NUDT7: variants seen among roughly 807,000 people sequenced by gnomAD.
NUDT7 encodes peroxisomal coenzyme A diphosphatase NUDT7.
NUDT7 carries 19 observed loss-of-function variants against 13.1 expected under a neutral mutation model. The ratio of observed to expected loss-of-function variants is 1.45; its 90% CI spans 1.01 to 2.13. The LOEUF is 2.13. NUDT7 is among the 30% of genes most tolerant of loss of function. NUDT7 has a pLI of 0.00. For missense variants in NUDT7, 360 were observed against 291.7 expected (o/e 1.23, Z -1.71); for synonymous variants, 132 against 109.7 (o/e 1.20, Z -1.27).
intron 3 of NUDT7, 161 bp downstream of exon 3, chr16:77,736,147 C>T (rs1364835993): frequency 6.3e-6 from 4 of 630,326 alleles, no homozygotes; most frequent in African/African-American, 1.8e-5. Flanking sequence ...AGTCAAGTGG[C>T]TATGGGCAAC....
intron 2 of NUDT7, among the ~76,000 whole-genome samples, chr16:77,726,097 A>C (rs950742466): frequency 6.6e-6 from 1 of 152,202 alleles, no homozygotes; most frequent in Admixed American, 6.5e-5. Flanking sequence ...TCCCACCCCC[A>C]GTATAATGTG....
At chr16:77,725,751 G>A (rs911746751) in intron 2 of NUDT7, 167 bp downstream of exon 2, 1 of 612,884 alleles carries the variant, frequency 1.6e-6, no homozygotes. Flanking sequence ...GTGTTTCTTG[G>A]AGAAGGTTTA....
intron 2 of NUDT7, among the ~76,000 whole-genome samples, chr16:77,734,740 G>A (rs2014425942): frequency 1.3e-5 from 2 of 152,212 alleles, no homozygotes; most frequent in Non-Finnish European, 2.9e-5. Context: ...ACCAATACAC[G>A]TAGAACATGA....
At chr16:77,733,300 G>A (rs778527780) in intron 2 of NUDT7, among the ~76,000 whole-genome samples, 15 of 152,200 alleles carry the variant, frequency 9.9e-5, no homozygotes, top group East Asian at 1.9e-4. Flanking sequence ...AGATCAAGCT[G>A]CCAGAAGATT....
At chr16:77,729,908 ATATT>A (rs2014258723) in intron 2 of NUDT7, among the ~76,000 whole-genome samples, 1 of 148,190 alleles carries the variant, frequency 6.7e-6, no homozygotes, top group South Asian at 2.1e-4. Flanking sequence ...TTTGAAGTAT[ATATT>A]CACTATGGAA....
intron 1 of NUDT7, among the ~76,000 whole-genome samples, chr16:77,724,130 G>T (rs1252303877): frequency 6.6e-6 from 1 of 152,148 alleles, no homozygotes; most frequent in Non-Finnish European, 1.5e-5. Flanking sequence ...CTCTGGGGGT[G>T]ACCTTTCCTT....
Position 77,741,952 on chromosome 16 carries a change from T to A in NUDT7, c.*2T>A. The A allele has an allele frequency of 6.3e-7, 1 of 1,580,560 alleles. No homozygotes were observed. The highest frequency in any genetic ancestry group is 8.6e-7 in the Non-Finnish European group (1 of 1,165,262). On this transcript the variant is annotated 3_prime_UTR_variant, in exon 4 of 4. Transcript: ENST00000268533. ...AAAAAAGCTACAAGCAGGTTATGAT[T>A]TACTAGAGCAAGAGACAAAGAACTA... is the stretch of plus-strand genomic sequence containing the variant.
intron 3 of NUDT7, chr16:77,736,633 TA>T (rs967881090): frequency 2.9e-5 from 7 of 240,932 alleles, no homozygotes; most frequent in East Asian, 2.2e-4. Context: ...TTTTCTTTTT[TA>T]TTTTTTTTTT....
At chr16:77,723,243 C>T (rs2014019516) in intron 1 of NUDT7, among the ~76,000 whole-genome samples, 2 of 152,166 alleles carry the variant, frequency 1.3e-5, no homozygotes, top group Admixed American at 6.5e-5. Context: ...AAGCCACCAG[C>T]CCACAGTTTC....
rs774998255 is a variant in NUDT7 at position 77,725,569 on chromosome 16, C to T, written c.174C>T (p.Thr58=). Residue 58 remains threonine, a synonymous_variant, in exon 2 of 4, where the codon ACC becomes ACT. Coordinates refer to ENST00000268533, the MANE Select transcript of NUDT7 (RefSeq NM_001105663.3). Reference sequence around the variant, plus strand: ...AAGGAAAACTCCATTTGTTGTTCACCGTCCGGTCAGAGAAGGTAGGTGGAC... The same window carrying T: ...AAGGAAAACTCCATTTGTTGTTCACTGTCCGGTCAGAGAAGGTAGGTGGAC... ...AKEGKLHLLF[T]VRSEKLRRAP... 15 of 1,613,832 alleles carry T rather than the reference C, an allele frequency of 9.3e-6. No homozygotes were observed. The highest frequency in any genetic ancestry group is 6.7e-5 in the Admixed American group (4 of 59,978).
At chr16:77,729,412 C>T (rs964286495) in intron 2 of NUDT7, among the ~76,000 whole-genome samples, 4 of 152,126 alleles carry the variant, frequency 2.6e-5, no homozygotes, top group African/African-American at 4.8e-5. Context: ...TATCACCACA[C>T]ACAATACCTC....
chr16:77,739,178 A>G (rs59664066), intron 3 of NUDT7, among the ~76,000 whole-genome samples: 2,178 of 152,332 alleles, frequency 0.014, 51 homozygotes, highest in African/African-American at 0.049. Context: ...AGAGGGTTCT[A>G]GGATCTCACA....
intron 3 of NUDT7, among the ~76,000 whole-genome samples, chr16:77,739,249 A>G (rs1028513207): frequency 6.6e-6 from 1 of 152,220 alleles, no homozygotes; most frequent in Admixed American, 6.5e-5. Context: ...AAGAATGGCT[A>G]TTCCATAACA....
chr16:77,737,783 C>T (rs534700105), intron 3 of NUDT7, among the ~76,000 whole-genome samples: 2 of 152,270 alleles, frequency 1.3e-5, no homozygotes, highest in East Asian at 1.9e-4. Flanking sequence ...CCACACCCAG[C>T]CTTAATGTTT....
intron 2 of NUDT7, among the ~76,000 whole-genome samples, chr16:77,730,177 C>A (rs932987995): frequency 1.4e-4 from 22 of 152,156 alleles, no homozygotes; most frequent in Non-Finnish European, 5.9e-5. Flanking sequence ...TTCAAGAATA[C>A]AGTATGTTAA....
chr16:77,722,962 C>T (rs541552338), intron 1 of NUDT7, among the ~76,000 whole-genome samples: 2 of 152,298 alleles, frequency 1.3e-5, no homozygotes, highest in South Asian at 4.2e-4. Flanking sequence ...TCAAGTCCCC[C>T]GGTGGCTACT....
Position 77,733,804 on chromosome 16 carries a change from T to C in NUDT7, c.190-2024T>C, listed in dbSNP as rs1175781811. Among the ~76,000 whole-genome samples the C allele has an allele frequency of 1.1e-3, 169 of 152,156 alleles. 2 individuals are homozygous for C. Among genetic ancestry groups the C allele is most frequent in the Non-Finnish European group, 4.7e-4 (32 of 68,032 alleles). Reference sequence around the variant, plus strand: ...GCAGACCCAGGACTCTTGCTGAGCCTGAGGGCTCCTTGACAATTCAGGAGA... The same window carrying C: ...GCAGACCCAGGACTCTTGCTGAGCCCGAGGGCTCCTTGACAATTCAGGAGA... On this transcript the variant is annotated intron_variant, in intron 2 of 3. Coordinates refer to ENST00000268533, the MANE Select transcript of NUDT7 (RefSeq NM_001105663.3).
At chr16:77,722,732 C>G (rs2013998046) in intron 1 of NUDT7, 115 bp downstream of exon 1, 1 of 966,230 alleles carries the variant, frequency 1.0e-6, no homozygotes, top group Non-Finnish European at 1.6e-6. Context: ...GCCAGTCCAC[C>G]TGCGAGCGCC....
intron 2 of NUDT7, among the ~76,000 whole-genome samples, chr16:77,729,730 C>T (rs1360276734): frequency 6.6e-6 from 1 of 152,058 alleles, no homozygotes; most frequent in Non-Finnish European, 1.5e-5. Flanking sequence ...GAGGCTGAGG[C>T]AGGAGAATCG....
Sources: allele counts gnomAD v4.1 joint callset (sites outside exome capture counted in the v4.1 genomes callset), GRCh38; gene constraint gnomAD v4.1.1; transcripts MANE v1.5; gene names NCBI Gene and HGNC (gene_info 2026-07-23, HGNC 2026-07-21).